Variants in NEO1 observed in about 807,000 individuals in gnomAD.
NEO1 encodes neogenin 1.
A neutral mutation model predicts 159.7 loss-of-function variants in NEO1; 63 were observed. That is an observed-to-expected ratio of 0.39 (90% CI 0.32 to 0.49). The LOEUF (loss-of-function observed/expected upper bound fraction) is 0.49, where lower values mean the gene tolerates loss of function less well. NEO1 is among the 20% of genes least tolerant of loss of function. The probability of loss-of-function intolerance (pLI) is 0.85; values close to 1 mark genes in which losing one functional copy is unlikely to be tolerated. For synonymous variants in NEO1, 633 were observed against 662.0 expected (o/e 0.96, Z 0.67); for missense variants, 1,615 against 1,831.0 (o/e 0.88, Z 2.15).
At chr15:73,201,266 GT>G (rs1320877022) in intron 7 of NEO1, among the ~76,000 whole-genome samples, 2 of 150,912 alleles carry the variant, frequency 1.3e-5, no homozygotes, top group Non-Finnish European at 2.9e-5. Context: ...TATAATCTAA[GT>G]TTCACTTATT....
intron 1 of NEO1, among the ~76,000 whole-genome samples, chr15:73,115,190 G>A (rs939766621): frequency 2.0e-5 from 3 of 152,088 alleles, no homozygotes; most frequent in Non-Finnish European, 4.4e-5. Flanking sequence ...CTACAGGCAT[G>A]TGCCACCATG....
At chr15:73,134,529 AT>A (rs1324301790) in intron 4 of NEO1, among the ~76,000 whole-genome samples, 5 of 148,930 alleles carry the variant, frequency 3.4e-5, no homozygotes, top group South Asian at 2.1e-4. Flanking sequence ...ATTTCCTCTG[AT>A]TTTTTTTTTA....
chr15:73,131,050 A>T (rs2031057739), intron 4 of NEO1, among the ~76,000 whole-genome samples: 1 of 152,080 alleles, frequency 6.6e-6, no homozygotes. Context: ...CAGTAATGAG[A>T]CAGCACCCCC....
intron 27 of NEO1, among the ~76,000 whole-genome samples, chr15:73,298,999 G>C (rs1174745549): frequency 6.6e-6 from 1 of 152,144 alleles, no homozygotes; most frequent in Admixed American, 6.5e-5. Context: ...GCCAAGGCTT[G>C]GACTCATAGG....
chr15:73,226,272 C>T (rs1044455741), intron 7 of NEO1, among the ~76,000 whole-genome samples: 18 of 152,152 alleles, frequency 1.2e-4, no homozygotes, highest in South Asian at 4.1e-4. Flanking sequence ...TGCGAGCCTC[C>T]GCACACTGCT....
chr15:73,253,438 A>G lies in NEO1; in HGVS notation c.1933A>G (p.Arg645Gly). ...TCCTCAGAATCTGTCCTTGGAAGTG[A>G]GAAATTCAAAGGTAAAACTGTATGA... is the stretch of plus-strand genomic sequence containing the variant. Reference protein sequence around the residue: ...AAPQNLSLEVRNSKSIMIHWQ... With the variant: ...AAPQNLSLEVGNSKSIMIHWQ... The change falls in exon 12 of 29, where the codon AGA (arginine) becomes GGA (glycine). Residue 645 changes from arginine to glycine, a missense_variant. This residue lies in a region of NEO1 where 1,018 missense variants were observed against 1,115.4 expected (regional missense o/e 0.91). Coordinates refer to ENST00000261908, the MANE Select transcript of NEO1 (RefSeq NM_002499.4). The G allele has an allele frequency of 1.3e-6, 2 of 1,596,012 alleles. No homozygotes were observed. Among genetic ancestry groups the G allele is most frequent in the Non-Finnish European group, 1.7e-6 (2 of 1,170,370 alleles).
chr15:73,148,662 C>A (rs1315991047), intron 5 of NEO1, among the ~76,000 whole-genome samples: 1 of 152,124 alleles, frequency 6.6e-6, no homozygotes, highest in African/African-American at 2.4e-5. Flanking sequence ...AGCACAGTTA[C>A]CCTCAGTTTA....
rs548450141 is a variant in NEO1 at position 73,248,985 on chromosome 15, C to T, written c.1607-75C>T. ...TATTTTAAAAACGTGGCCAATATGA[C>T]AGTATTGCCAAGAATGGTTATTGAG... On this transcript the variant is annotated intron_variant, in intron 9 of 28. Transcript: ENST00000261908. 1,567 of 1,415,178 alleles carry T rather than the reference C, an allele frequency of 1.1e-3. 6 individuals are homozygous for T. The highest frequency in any genetic ancestry group is 1.1e-3 in the Non-Finnish European group (1,163 of 1,035,198). The allele number at this position is 1,415,178 out of a possible 1,614,324, so 87.7% of individuals were successfully genotyped here. A position where few individuals can be genotyped will look rare whatever the true frequency, so the allele number is the denominator to read the frequency against.
At chr15:73,123,336 C>T (rs2071781789) in intron 3 of NEO1, among the ~76,000 whole-genome samples, 1 of 152,098 alleles carries the variant, frequency 6.6e-6, no homozygotes, top group South Asian at 2.1e-4. Flanking sequence ...TGGTATTCTT[C>T]TTGGTCAAAA....
At chr15:73,221,215 TCAGCAG>T (rs2038235599) in intron 7 of NEO1, among the ~76,000 whole-genome samples, 1 of 152,212 alleles carries the variant, frequency 6.6e-6, no homozygotes, top group Non-Finnish European at 1.5e-5. Context: ...TGCCTGGGTA[TCAGCAG>T]CAGTGTCTGC....
At position 73,052,630 on chromosome 15, in the gene NEO1, C is replaced by T. The variant is rs2067504834; in HGVS notation, c.-46C>T. 4 of 1,183,936 alleles carry T rather than the reference C, an allele frequency of 3.4e-6. No homozygotes were observed. In the South Asian group the frequency reaches 7.6e-5, roughly 23 times the overall value. 73.3% of individuals were successfully genotyped at this position (1,183,936 alleles called of 1,614,324 possible). On this transcript the variant is annotated 5_prime_UTR_variant, in exon 1 of 29. Transcript: ENST00000261908. Reference sequence around the variant, plus strand: ...CGCGCGGGAGGGAAGGAGGCAAGGGCTCCGCGGCGCTGTCGCCGCCGCTGC... The same window carrying T: ...CGCGCGGGAGGGAAGGAGGCAAGGGTTCCGCGGCGCTGTCGCCGCCGCTGC...
At chr15:73,074,717 A>AT (rs1158695305) in intron 1 of NEO1, among the ~76,000 whole-genome samples, 1 of 152,106 alleles carries the variant, frequency 6.6e-6, no homozygotes, top group Non-Finnish European at 1.5e-5. Flanking sequence ...CACTTTTCAC[A>AT]TCCCTCTCCA....
At chr15:73,173,763 C>T (rs2035114507) in intron 5 of NEO1, among the ~76,000 whole-genome samples, 1 of 151,926 alleles carries the variant, frequency 6.6e-6, no homozygotes, top group South Asian at 2.1e-4. Context: ...AGTTAGGAGC[C>T]AGAAACTATA....
At chr15:73,080,266 CTG>C (rs2068974096) in intron 1 of NEO1, among the ~76,000 whole-genome samples, 1 of 152,182 alleles carries the variant, frequency 6.6e-6, no homozygotes, top group Non-Finnish European at 1.5e-5. Context: ...ACTGTGAACA[CTG>C]TAACTCTCTA....
intron 1 of NEO1, among the ~76,000 whole-genome samples, chr15:73,064,716 C>T (rs965486458): frequency 1.3e-5 from 2 of 152,148 alleles, no homozygotes; most frequent in Non-Finnish European, 2.9e-5. Flanking sequence ...ATTCTCCTGC[C>T]TTGGCCCCCC....
intron 15 of NEO1, among the ~76,000 whole-genome samples, chr15:73,263,577 T>C (rs1268072073): frequency 2.6e-5 from 4 of 152,126 alleles, no homozygotes; most frequent in African/African-American, 7.2e-5. Context: ...GTATAATTAC[T>C]TTTCCAAATT....
rs562385868 is a variant in NEO1, at chr15:73,188,937, T to TA, written c.1291+10522dup. 2.5e-3 allele frequency among the ~76,000 whole-genome samples: 362 copies of TA among 144,838 alleles called. 1 individual carries two copies. The highest frequency in any genetic ancestry group is 7.8e-3 in the African/African-American group (310 of 39,756). On this transcript the variant is annotated intron_variant, in intron 7 of 28. Transcript: ENST00000261908. ...GTGAGACCCCATCCTCACAAAAAGT[T>TA]AAAAAAAAAAAATTGGCCAAGTGTG... is the stretch of plus-strand genomic sequence containing the variant.
chr15:73,139,450 AG>A (rs1567292794), intron 5 of NEO1, among the ~76,000 whole-genome samples: 4 of 152,222 alleles, frequency 2.6e-5, no homozygotes, highest in Admixed American at 6.5e-5. Flanking sequence ...AATGATAACA[AG>A]AGCAAAAATT....
chr15:73,094,740 C>T lies in NEO1; in HGVS notation c.131-21800C>T, dbSNP rs534310437. 9.9e-5 allele frequency among the ~76,000 whole-genome samples: 15 copies of T among 152,250 alleles called. No individual in the cohort carries two copies. The South Asian group carries it at 2.9e-3, about 30-fold the overall frequency. ...CCCCATGGTGTTTCTTACCATCTTCCTCTGTCTTTTTTATTTTTATTTTTG... is the reference window on the plus strand; with the variant it reads ...CCCCATGGTGTTTCTTACCATCTTCTTCTGTCTTTTTTATTTTTATTTTTG... On this transcript the variant is annotated intron_variant, in intron 1 of 28. Transcript: ENST00000261908.
Sources: gnomAD v4.1 joint callset for allele counts (sites outside exome capture counted in the v4.1 genomes callset) on GRCh38, gnomAD v4.1.1 for gene constraint, gnomAD v4.1.1 regional missense constraint, MANE v1.5 for transcripts, NCBI Gene and HGNC (gene_info 2026-07-23, HGNC 2026-07-21) for gene names.